The following SPIN1 variants were observed in gnomAD, a reference collection of about 807,000 sequenced individuals.
The protein encoded by SPIN1 is spindlin 1, also known as spindlin-1.
In SPIN1, 3 loss-of-function variants were observed where a neutral mutation model predicts 26.0. The ratio of observed to expected loss-of-function variants is 0.12; its 90% CI spans 0.05 to 0.30. The LOEUF is 0.30. Ranked by LOEUF, SPIN1 falls within the 10% of genes least tolerant of loss-of-function variation. The pLI is 1.00. For missense variants in SPIN1, 126 were observed against 333.4 expected, an observed-to-expected ratio of 0.38 and a Z score of 4.84; for synonymous variants, 101 against 116.5, an observed-to-expected ratio of 0.87 and a Z score of 0.86.
intron 1 of SPIN1, among the ~76,000 whole-genome samples, chr9:88,397,841 C>G (rs1019351202): frequency 6.6e-6 from 1 of 150,990 alleles, no homozygotes; most frequent in African/African-American, 2.4e-5. Flanking sequence ...CCAGACTGGT[C>G]GCCATCTCCT....
chr9:88,420,220 A>C (rs1485361407), intron 1 of SPIN1, among the ~76,000 whole-genome samples: 1 of 152,140 alleles, frequency 6.6e-6, no homozygotes, highest in Non-Finnish European at 1.5e-5. Flanking sequence ...TACTAAAATT[A>C]CAAAATTATC....
Position 88,475,475 on chromosome 9 carries a change from CT to C in SPIN1, c.*202del. The C allele has an allele frequency of 2.2e-6, 1 of 447,608 alleles. No homozygotes were observed. Among genetic ancestry groups the C allele is most frequent in the Non-Finnish European group, 3.8e-6 (1 of 260,736 alleles). 27.7% of individuals were successfully genotyped at this position (447,608 alleles called of 1,614,324 possible). On this transcript the variant is annotated 3_prime_UTR_variant, in exon 6 of 6. Coordinates refer to ENST00000375859, the MANE Select transcript of SPIN1 (RefSeq NM_006717.3). ...CATTTTGTGTAAGGAGAACCCCTTT[CT>C]TTTAAAAGAAGTCTGTCTATTTCGA... is the stretch of plus-strand genomic sequence containing the variant.
At chr9:88,471,609 C>G (rs574079534) in intron 5 of SPIN1, among the ~76,000 whole-genome samples, 2 of 137,602 alleles carry the variant, frequency 1.5e-5, no homozygotes, top group South Asian at 4.5e-4. Context: ...GAGCCAAGAC[C>G]GCACCATTGC....
chr9:88,411,232 G>A (rs1204870829), intron 1 of SPIN1: 4 of 1,154,826 alleles, frequency 3.5e-6, no homozygotes, highest in South Asian at 2.4e-5. Flanking sequence ...TGTTCACCTT[G>A]TGTGGCCTTG....
At chr9:88,401,997 CTT>C (rs1827197176) in intron 1 of SPIN1, among the ~76,000 whole-genome samples, 1 of 151,964 alleles carries the variant, frequency 6.6e-6, no homozygotes, top group Admixed American at 6.6e-5. Context: ...AGTATTTTAT[CTT>C]TTTGTTTTTG....
intron 1 of SPIN1, among the ~76,000 whole-genome samples, chr9:88,393,498 A>G: frequency 8.6e-6 from 1 of 116,508 alleles, no homozygotes; most frequent in Non-Finnish European, 1.6e-5. Context: ...CTCTGTCACC[A>G]GGCTGGAGTG....
intron 1 of SPIN1, among the ~76,000 whole-genome samples, chr9:88,419,257 A>AT (rs1302121638): frequency 6.6e-6 from 1 of 152,004 alleles, no homozygotes; most frequent in Non-Finnish European, 1.5e-5. Context: ...ACCCTGACTC[A>AT]TTCTGATTTC....
chr9:88,412,203 T>C (rs1827465143), intron 1 of SPIN1, among the ~76,000 whole-genome samples: 1 of 152,028 alleles, frequency 6.6e-6, no homozygotes, highest in Non-Finnish European at 1.5e-5. Context: ...ACCTTTTGTT[T>C]CCTTAACACA....
At position 88,439,551 on chromosome 9, in the gene SPIN1, G is replaced by C. The variant is rs7023280; in HGVS notation, c.53-9390G>C. Among the ~76,000 whole-genome samples the C allele has an allele frequency of 6.3e-3, 964 of 152,296 alleles. 11 individuals carry two copies. The highest frequency in any genetic ancestry group is 0.022 in the African/African-American group (901 of 41,570). On this transcript the variant is annotated intron_variant, in intron 2 of 5. Coordinates refer to ENST00000375859, the MANE Select transcript of SPIN1 (RefSeq NM_006717.3). ...TACGCAGATATTCTGAAATGTGAAA[G>C]ACTTCTGGTCCCAAGCATTTTGAAT...
intron 3 of SPIN1, among the ~76,000 whole-genome samples, chr9:88,450,418 T>A (rs940881373): frequency 1.3e-5 from 2 of 152,234 alleles, no homozygotes; most frequent in South Asian, 2.1e-4. Flanking sequence ...TATTTTCTAA[T>A]CATCTATGAT....
At chr9:88,427,792 T>C (rs1158680526) in intron 2 of SPIN1, among the ~76,000 whole-genome samples, 3 of 151,860 alleles carry the variant, frequency 2.0e-5, no homozygotes, top group Admixed American at 6.6e-5. Flanking sequence ...AGAGATGGGG[T>C]TTTGCCATGT....
chr9:88,448,086 C>T (rs1475641871), intron 2 of SPIN1, among the ~76,000 whole-genome samples: 2 of 151,636 alleles, frequency 1.3e-5, no homozygotes, highest in Non-Finnish European at 2.9e-5. Flanking sequence ...CTCTGTTGCC[C>T]AGGCTGGAGT....
chr9:88,473,130 C>T (rs1166103424), intron 5 of SPIN1, among the ~76,000 whole-genome samples: 20 of 152,260 alleles, frequency 1.3e-4, no homozygotes, highest in African/African-American at 4.6e-4. Context: ...TGGTGGCTCA[C>T]GCCTGTAATC....
intron 2 of SPIN1, among the ~76,000 whole-genome samples, chr9:88,447,318 C>T (rs1828271332): frequency 6.6e-6 from 1 of 152,048 alleles, no homozygotes; most frequent in South Asian, 2.1e-4. Flanking sequence ...AATGTCCTTA[C>T]CTGCTAAGTA....
At chr9:88,429,201 C>G (rs1367066033) in intron 2 of SPIN1, among the ~76,000 whole-genome samples, 1 of 152,160 alleles carries the variant, frequency 6.6e-6, no homozygotes, top group African/African-American at 2.4e-5. Flanking sequence ...CAATACAACA[C>G]AGCACCTCTG....
chr9:88,432,835 T>C (rs920048039), intron 2 of SPIN1, among the ~76,000 whole-genome samples: 1 of 151,610 alleles, frequency 6.6e-6, no homozygotes, highest in Admixed American at 6.6e-5. Context: ...TTTTCCCACG[T>C]TTTCTGTTTT....
chr9:88,396,955 A>G (rs1827076048), intron 1 of SPIN1, among the ~76,000 whole-genome samples: 1 of 152,030 alleles, frequency 6.6e-6, no homozygotes, highest in African/African-American at 2.4e-5. Context: ...GAAATGTGGT[A>G]TAAAAGAGAA....
intron 2 of SPIN1, among the ~76,000 whole-genome samples, chr9:88,439,459 G>T (rs1428299904): frequency 6.6e-6 from 1 of 152,114 alleles, no homozygotes; most frequent in African/African-American, 2.4e-5. Context: ...TATATAGAAG[G>T]TTTATATGAA....
intron 1 of SPIN1, among the ~76,000 whole-genome samples, chr9:88,393,445 GTT>G (rs57244433): frequency 9.8e-4 from 87 of 88,416 alleles, no homozygotes; most frequent in African/African-American, 4.1e-3. Flanking sequence ...TTGCTTTTGG[GTT>G]TTTTTTTTTT....
Sources: allele counts gnomAD v4.1 joint callset (sites outside exome capture counted in the v4.1 genomes callset), GRCh38; gene constraint gnomAD v4.1.1; transcripts MANE v1.5; gene names NCBI Gene and HGNC (gene_info 2026-07-23, HGNC 2026-07-21).